The following TEAD1 variants were observed in gnomAD, a reference collection of about 807,000 sequenced individuals.
The protein encoded by TEAD1 is transcriptional enhancer factor TEF-1.
Under a neutral mutation model 54.9 loss-of-function variants are expected in TEAD1, and 9 were observed. That is an observed-to-expected ratio of 0.16 (90% confidence interval 0.10 to 0.29). The LOEUF (loss-of-function observed/expected upper bound fraction) is 0.29. TEAD1 is among the 10% of genes least tolerant of loss of function. The probability of loss-of-function intolerance (pLI) is 1.00; values close to 1 mark genes in which losing one functional copy is unlikely to be tolerated. For missense variants in TEAD1, 387 were observed against 535.9 expected (o/e 0.72, Z 2.74); for synonymous variants, 200 against 187.8 (o/e 1.07, Z -0.53).
intron 3 of TEAD1, among the ~76,000 whole-genome samples, chr11:12,765,000 C>T (rs894376478): frequency 5.3e-5 from 8 of 151,752 alleles, no homozygotes. Flanking sequence ...AGCCTCTGAA[C>T]CACCAATTTG....
chr11:12,920,853 A>G (rs1948792533), intron 10 of TEAD1, among the ~76,000 whole-genome samples: 1 of 152,240 alleles, frequency 6.6e-6, no homozygotes, highest in Non-Finnish European at 1.5e-5. Flanking sequence ...ATAGATATTC[A>G]TCAGTAGAGC....
intron 3 of TEAD1, among the ~76,000 whole-genome samples, chr11:12,835,930 T>C (rs1482298380): frequency 4.6e-5 from 7 of 152,268 alleles, no homozygotes; most frequent in South Asian, 4.1e-4. Flanking sequence ...ATAGTGACTA[T>C]AGTTAATAAT....
chr11:12,918,065 A>G (rs1589988449), intron 10 of TEAD1, among the ~76,000 whole-genome samples: 1 of 152,190 alleles, frequency 6.6e-6, no homozygotes, highest in South Asian at 2.1e-4. Context: ...ATAGTGGTAC[A>G]TTTTTAAAAA....
chr11:12,681,242 A>T (rs1301961887), intron 2 of TEAD1, among the ~76,000 whole-genome samples: 4 of 152,206 alleles, frequency 2.6e-5, no homozygotes, highest in African/African-American at 9.6e-5. Flanking sequence ...TGAGCCGAGA[A>T]ATTCTCTTAA....
chr11:12,683,548 G>A (rs906406522), intron 2 of TEAD1, among the ~76,000 whole-genome samples: 4 of 152,176 alleles, frequency 2.6e-5, no homozygotes, highest in South Asian at 2.1e-4. Flanking sequence ...AGGGCTTTGC[G>A]GAGGAAGTGA....
intron 3 of TEAD1, among the ~76,000 whole-genome samples, chr11:12,819,206 C>T (rs1198825877): frequency 4.0e-5 from 6 of 151,682 alleles, no homozygotes; most frequent in African/African-American, 1.5e-4. Context: ...TGCATTTAAG[C>T]ATCTTCCTCT....
At chr11:12,798,410 T>TG (rs1299321657) in intron 3 of TEAD1, among the ~76,000 whole-genome samples, 3 of 152,222 alleles carry the variant, frequency 2.0e-5, no homozygotes, top group Non-Finnish European at 1.5e-5. Context: ...AATGTGCTGG[T>TG]GTTCTATTTC....
chr11:12,866,368 C>CA (rs1816190582), intron 5 of TEAD1, among the ~76,000 whole-genome samples: 1 of 152,168 alleles, frequency 6.6e-6, no homozygotes, highest in Non-Finnish European at 1.5e-5. Flanking sequence ...CCTGTGGACT[C>CA]ACCAGGGCAC....
At chr11:12,822,006 C>CAGGCTGG (rs1415286502) in intron 3 of TEAD1, among the ~76,000 whole-genome samples, 1 of 108,754 alleles carries the variant, frequency 9.2e-6, no homozygotes, top group Non-Finnish European at 1.8e-5. Context: ...CTCTGTCACC[C>CAGGCTGG]AGGCTGGAGT....
At chr11:12,748,033 C>T (rs1944783918) in intron 2 of TEAD1, among the ~76,000 whole-genome samples, 1 of 151,394 alleles carries the variant, frequency 6.6e-6, no homozygotes, top group Non-Finnish European at 1.5e-5. Context: ...GCGATCCTGG[C>T]TCACTGCAAC....
chr11:12,776,898 G>A (rs1305963485), intron 3 of TEAD1, among the ~76,000 whole-genome samples: 1 of 151,726 alleles, frequency 6.6e-6, no homozygotes, highest in Non-Finnish European at 1.5e-5. Context: ...GGGTTCAAGT[G>A]ATTCTCCTGC....
intron 3 of TEAD1, among the ~76,000 whole-genome samples, chr11:12,813,746 G>C (rs1309977912): frequency 1.3e-5 from 2 of 152,190 alleles, no homozygotes; most frequent in Non-Finnish European, 2.9e-5. Context: ...GTCCTTGTCA[G>C]CTTTCCTGCC....
At chr11:12,842,030 C>T (rs566026566) in intron 3 of TEAD1, among the ~76,000 whole-genome samples, 315 of 152,190 alleles carry the variant, frequency 2.1e-3, no homozygotes, top group African/African-American at 6.8e-3. Flanking sequence ...ATCAAGCTTA[C>T]CCAAACCCCC....
rs566922559 is a variant in TEAD1 at position 12,723,685 on chromosome 11, A to C, written c.-54-40494A>C. Among the ~76,000 whole-genome samples, 5 of 152,306 alleles carry C rather than the reference A, an allele frequency of 3.3e-5. No individual in the cohort carries two copies. In the East Asian group the frequency reaches 9.6e-4, roughly 29 times the overall value. The stretch of plus-strand genomic sequence containing the variant: ...TGTCTTTTTGGAGATAAAACATAAA[A>C]GGATCAGCTTTTAGTCATGCTCCTT... On this transcript the variant is annotated intron_variant, in intron 2 of 12. Coordinates refer to ENST00000527636, the MANE Select transcript of TEAD1 (RefSeq NM_021961.6).
At chr11:12,777,256 G>C (rs1192910478) in intron 3 of TEAD1, among the ~76,000 whole-genome samples, 1 of 152,056 alleles carries the variant, frequency 6.6e-6, no homozygotes, top group Non-Finnish European at 1.5e-5. Context: ...CGCCTTTGGG[G>C]GAAATATTTG....
chr11:12,854,142 T>G lies in TEAD1; in HGVS notation c.203-8108T>G, dbSNP rs78948562. On this transcript the variant is annotated intron_variant, in intron 3 of 12. Coordinates refer to ENST00000527636, the MANE Select transcript of TEAD1 (RefSeq NM_021961.6). ...TGGTGCTGATTTCTGGTCAATGATT[T>G]ATATTGAGGATTAACTGAGAACTTC... Among the ~76,000 whole-genome samples the G allele has an allele frequency of 5.8e-3, 881 of 152,310 alleles. 4 individuals are homozygous for G. The highest frequency in any genetic ancestry group is 0.01 in the Non-Finnish European group (702 of 68,026).
At chr11:12,864,959 ATGGTGAC>A in intron 5 of TEAD1, 59 bp downstream of exon 5, 1 of 1,578,584 alleles carries the variant, frequency 6.3e-7, no homozygotes, top group Non-Finnish European at 8.7e-7. Flanking sequence ...CCTGTTTTCC[ATGGTGAC>A]TGGTGAATGC....
chr11:12,855,555 T>C (rs1415761731), intron 3 of TEAD1, among the ~76,000 whole-genome samples: 1 of 151,830 alleles, frequency 6.6e-6, no homozygotes, highest in Non-Finnish European at 1.5e-5. Context: ...CCCAAAGTGC[T>C]GGGATTACAG....
chr11:12,855,266 T>C (rs546092738), intron 3 of TEAD1, among the ~76,000 whole-genome samples: 29 of 152,176 alleles, frequency 1.9e-4, no homozygotes, highest in Middle Eastern at 3.4e-3. Flanking sequence ...TTGCTTGCTT[T>C]CTTTTTTTTT....
Sources: allele counts gnomAD v4.1 joint callset (sites outside exome capture counted in the v4.1 genomes callset), GRCh38; gene constraint gnomAD v4.1.1; transcripts MANE v1.5; gene names NCBI Gene and HGNC (gene_info 2026-07-23, HGNC 2026-07-21).